Variants in DMD observed in about 807,000 individuals in gnomAD.
The protein encoded by DMD is mutant dystrophin.
DMD carries 63 observed loss-of-function variants against 330.1 expected under a neutral mutation model. The observed-to-expected ratio is 0.19, with a 90% CI of 0.16 to 0.24. The LOEUF (loss-of-function observed/expected upper bound fraction) is 0.24. DMD is among the 10% of genes least tolerant of loss of function. The pLI is 1.00. For missense variants in DMD, 3,344 were observed against 2,684.1 expected (o/e 1.25, Z -5.43); for synonymous variants, 1,223 against 959.8 (o/e 1.27, Z -5.07).
At chrX:31,242,518 T>C (rs2048433308) in intron 63 of DMD, among the ~76,000 whole-genome samples, 1 of 111,088 alleles carries the variant, frequency 9.0e-6, no homozygotes, top group Non-Finnish European at 1.9e-5. Flanking sequence ...TAAGGTACCA[T>C]ACGTTTGACC....
In DMD at chrX:32,380,530, A is replaced by G; in HGVS notation, c.4825T>C (p.Ser1609Pro). The G allele has an allele frequency of 8.3e-7, 1 of 1,210,843 alleles. No homozygotes were observed. The highest frequency in any genetic ancestry group is 1.1e-6 in the Non-Finnish European group (1 of 894,952). Residue 1609 changes from serine (S) to proline (P), a missense_variant, in exon 34 of 79, where the codon TCT becomes CCT. Transcript: ENST00000357033. Reference sequence around the variant, plus strand: ...TTTACCTTTCCCCAGGCAACTTCAGAATCCAAATTACTAGGCATTCCTTCA... The same window carrying G: ...TTTACCTTTCCCCAGGCAACTTCAGGATCCAAATTACTAGGCATTCCTTCA... ...AVEGMPSNLD[S>P]EVAWGKATQK...
At chrX:31,762,091 A>ATGTGACTGTTCTGG (rs2089640691) in intron 51 of DMD, among the ~76,000 whole-genome samples, 1 of 112,393 alleles carries the variant, frequency 8.9e-6, no homozygotes, top group South Asian at 3.7e-4. Flanking sequence ...CACGTGACAC[A>ATGTGACTGTTCTGG]TTTCTGGTTA....
chrX:32,442,135 G>C (rs925377377), intron 27 of DMD, among the ~76,000 whole-genome samples: 1 of 110,742 alleles, frequency 9.0e-6, no homozygotes, highest in Non-Finnish European at 1.9e-5. Context: ...AATATCTTAA[G>C]TAAGACATCT....
intron 62 of DMD, among the ~76,000 whole-genome samples, chrX:31,292,916 T>C (rs2053812510): frequency 9.0e-6 from 1 of 111,033 alleles, no homozygotes; most frequent in Admixed American, 9.6e-5. Context: ...CATAGTGTTA[T>C]AAGGCAGAGT....
intron 2 of DMD, among the ~76,000 whole-genome samples, chrX:32,879,018 C>CAAAAAAAAAAAAAAA (rs1201402428): frequency 2.1e-5 from 2 of 95,342 alleles, no homozygotes; most frequent in African/African-American, 7.8e-5. Flanking sequence ...AAAAAAAAAA[C>CAAAAAAAAAAAAAAA]AAAAAACAAA....
chrX:32,384,905 A>C (rs1187262900), intron 33 of DMD, among the ~76,000 whole-genome samples: 2 of 111,478 alleles, frequency 1.8e-5, no homozygotes, highest in Non-Finnish European at 3.8e-5. Flanking sequence ...TGGAAATACT[A>C]AGATATCCGT....
At chrX:33,290,712 G>T (rs1425243166) in intron 1 of DMD, among the ~76,000 whole-genome samples, 1 of 111,255 alleles carries the variant, frequency 9.0e-6, no homozygotes, top group African/African-American at 3.3e-5. Flanking sequence ...ATCTTCAAGT[G>T]AACTTTACTA....
At chrX:32,366,404 T>C (rs1435968468) in intron 34 of DMD, among the ~76,000 whole-genome samples, 1 of 112,126 alleles carries the variant, frequency 8.9e-6, no homozygotes, top group African/African-American at 3.2e-5. Context: ...TGATTGGCAC[T>C]CGAGTTGAAA....
At chrX:32,651,508 G>A (rs140550770) in intron 9 of DMD, among the ~76,000 whole-genome samples, 137 of 111,793 alleles carry the variant, frequency 1.2e-3, no homozygotes, top group Non-Finnish European at 2.3e-3. Context: ...TTCAATCAAT[G>A]GTTTGGAAGC....
At chrX:32,845,875 T>C (rs945031543) in intron 3 of DMD, among the ~76,000 whole-genome samples, 22 of 112,313 alleles carry the variant, frequency 2.0e-4, no homozygotes, top group African/African-American at 6.8e-4. Context: ...AGTTACAACA[T>C]GTGCTCTCAA....
At chrX:32,488,656 G>T (rs928981293) in intron 20 of DMD, among the ~76,000 whole-genome samples, 3 of 111,421 alleles carry the variant, frequency 2.7e-5, no homozygotes, top group Admixed American at 9.6e-5. Flanking sequence ...AGGTGACAAC[G>T]GAATTTGGAT....
intron 7 of DMD, among the ~76,000 whole-genome samples, chrX:32,781,353 T>C (rs769901233): frequency 9.0e-6 from 1 of 111,526 alleles, no homozygotes; most frequent in South Asian, 3.8e-4. Flanking sequence ...TAAATATCAA[T>C]GATACAATCA....
chrX:32,524,496 C>A (rs2046764531), intron 17 of DMD, among the ~76,000 whole-genome samples: 1 of 112,093 alleles, frequency 8.9e-6, no homozygotes, highest in African/African-American at 3.2e-5. Flanking sequence ...TGGGGCTCAG[C>A]TCACACTGGT....
chrX:32,633,664 G>A (rs1056159097), intron 11 of DMD, among the ~76,000 whole-genome samples: 16 of 111,842 alleles, frequency 1.4e-4, no homozygotes, highest in Non-Finnish European at 5.6e-5. Flanking sequence ...AAGAAAAGAC[G>A]CTTAATTGGC....
intron 7 of DMD, among the ~76,000 whole-genome samples, chrX:32,750,006 T>C (rs1336888818): frequency 8.9e-6 from 1 of 112,298 alleles, no homozygotes; most frequent in Non-Finnish European, 1.9e-5. Context: ...TGTGAGCCAT[T>C]TCCATTGGAT....
chrX:33,046,203 C>G (rs1212452183), intron 1 of DMD, among the ~76,000 whole-genome samples: 1 of 111,130 alleles, frequency 9.0e-6, no homozygotes, highest in Non-Finnish European at 1.9e-5. Context: ...CCTGAAAAGT[C>G]ACTGAATTTT....
At chrX:31,471,215 G>A (rs2067273603) in intron 59 of DMD, among the ~76,000 whole-genome samples, 1 of 111,687 alleles carries the variant, frequency 9.0e-6, no homozygotes, top group African/African-American at 3.3e-5. Context: ...AACGCCTGCA[G>A]CTAGCTCGGT....
In DMD at chrX:32,608,097, A is replaced by G. The variant is rs114740418; in HGVS notation, c.1482+6206T>C. ...AAACAAAGCTGTGACATTCTAAGTA[A>G]TGTTACTGAATCAATACTCAGTAAT... On this transcript the variant is annotated intron_variant, in intron 12 of 78. Transcript: ENST00000357033. 4.4e-3 allele frequency among the ~76,000 whole-genome samples: 486 copies of G among 110,322 alleles called. 3 individuals carry two copies. The highest frequency in any genetic ancestry group is 0.015 in the African/African-American group (459 of 30,655).
intron 5 of DMD, among the ~76,000 whole-genome samples, chrX:32,821,147 G>C (rs146510130): frequency 5.7e-4 from 63 of 111,296 alleles, no homozygotes; most frequent in African/African-American, 1.8e-3. Flanking sequence ...GCTTACTGTT[G>C]TGAAGTAGCA....
Sources: gnomAD v4.1 joint callset for allele counts (sites outside exome capture counted in the v4.1 genomes callset) on GRCh38, gnomAD v4.1.1 for gene constraint, MANE v1.5 for transcripts, NCBI Gene and HGNC (gene_info 2026-07-23, HGNC 2026-07-21) for gene names.